DLGAP2: variants seen among roughly 807,000 people sequenced by gnomAD.
DLGAP2 encodes the protein DLG associated protein 2, also known as disks large-associated protein 2.
Under a neutral mutation model 100.3 loss-of-function variants are expected in DLGAP2, and 26 were observed. The observed-to-expected ratio is 0.26, with a 90% CI of 0.19 to 0.36. DLGAP2 has a LOEUF of 0.36. Ranked by LOEUF, DLGAP2 falls within the 10% of genes least tolerant of loss-of-function variation. The pLI, the probability that DLGAP2 is intolerant of heterozygous loss-of-function variation, is 1.00. For synonymous variants in DLGAP2, 886 were observed against 630.1 expected, an observed-to-expected ratio of 1.41 and a Z score of -6.08; for missense variants, 1,858 against 1,453.2, an observed-to-expected ratio of 1.28 and a Z score of -4.53.
intron 2 of DLGAP2, among the ~76,000 whole-genome samples, chr8:1,180,336 C>G (rs1797353249): frequency 6.6e-6 from 1 of 152,226 alleles, no homozygotes; most frequent in Admixed American, 6.5e-5. Flanking sequence ...CAGTTACACC[C>G]TGGCCACCAG....
rs1291950041 is a variant in DLGAP2, at chr8:1,549,594, G to A, written c.1141G>A (p.Glu381Lys). The A allele has an allele frequency of 1.7e-5, 28 of 1,609,064 alleles. No individual in the cohort carries two copies. Among genetic ancestry groups the A allele is most frequent in the Non-Finnish European group, 2.4e-5 (28 of 1,178,638 alleles). The change falls in exon 5 of 15, where the codon GAG becomes AAG. Residue 381 changes from glutamate (E) to lysine (K), a missense_variant. Coordinates refer to ENST00000637795, the MANE Select transcript of DLGAP2 (RefSeq NM_001346810.2). ...TACGCTGACGGTCAGCCAGGCCAAG[G>A]AGGCCTACCGCAAGAGCTCGCTGAA... ...WSTLTVSQAK[E>K]AYRKSSLNLD...
intron 6 of DLGAP2, among the ~76,000 whole-genome samples, chr8:1,586,553 A>G (rs552052381): frequency 6.6e-6 from 1 of 152,286 alleles, no homozygotes; most frequent in East Asian, 1.9e-4. Context: ...TCTGCTGGTT[A>G]GCAACCTCGA....
Position 778,784 on chromosome 8 carries a change from C to G in DLGAP2, c.18+40959C>G, listed in dbSNP as rs186836326. ...ACATTTAAGTCTGCAGAGGTTACTG[C>G]TGTCTTTTTGTTTGTTTGTGCCCTG... On this transcript the variant is annotated intron_variant, in intron 1 of 14. Transcript: ENST00000637795. Among the ~76,000 whole-genome samples, 927 of 152,354 alleles carry G rather than the reference C, an allele frequency of 6.1e-3. 9 individuals carry two copies. The highest frequency in any genetic ancestry group is 0.021 in the African/African-American group (875 of 41,578).
chr8:1,530,157 G>C (rs1265760325), intron 4 of DLGAP2, among the ~76,000 whole-genome samples: 1 of 152,104 alleles, frequency 6.6e-6, no homozygotes, highest in Non-Finnish European at 1.5e-5. Context: ...TTCCTAATAA[G>C]CCTGGGAGCA....
intron 2 of DLGAP2, among the ~76,000 whole-genome samples, chr8:1,013,661 C>CGGT (rs1289982352): frequency 5.7e-4 from 67 of 116,960 alleles, no homozygotes; most frequent in African/African-American, 2.1e-3. Flanking sequence ...CCAGGACAGA[C>CGGT]GCCTCCACTG....
chr8:1,017,809 G>T (rs939183798), intron 2 of DLGAP2, among the ~76,000 whole-genome samples: 1 of 152,200 alleles, frequency 6.6e-6, no homozygotes, highest in African/African-American at 2.4e-5. Context: ...TCCTCTCCAC[G>T]CTACTGGGTT....
chr8:1,005,354 G>A (rs144271917), intron 2 of DLGAP2, among the ~76,000 whole-genome samples: 44 of 151,526 alleles, frequency 2.9e-4, no homozygotes, highest in African/African-American at 9.7e-4. Context: ...AAGGCAGCCC[G>A]TCAAATAGTT....
At chr8:1,221,914 C>T (rs764072436) in intron 2 of DLGAP2, among the ~76,000 whole-genome samples, 4 of 152,094 alleles carry the variant, frequency 2.6e-5, no homozygotes, top group East Asian at 1.9e-4. Context: ...AATTGCATTC[C>T]GAAATTCCTG....
At chr8:1,491,109 C>G (rs1210392150) in intron 3 of DLGAP2, among the ~76,000 whole-genome samples, 1 of 71,402 alleles carries the variant, frequency 1.4e-5, no homozygotes, top group East Asian at 4.2e-4. Flanking sequence ...AATAAAATCA[C>G]TTTTCATGAA....
intron 2 of DLGAP2, among the ~76,000 whole-genome samples, chr8:1,065,223 C>A (rs1386081959): frequency 1.3e-5 from 2 of 152,262 alleles, no homozygotes; most frequent in East Asian, 1.9e-4. Flanking sequence ...TCAGTAAGGT[C>A]TTTTTAAAGA....
At position 1,583,265 on chromosome 8, in the gene DLGAP2, G is replaced by A. The variant is rs144968766; in HGVS notation, c.1442+17371G>A. Among the ~76,000 whole-genome samples the A allele has an allele frequency of 2.4e-3, 368 of 152,302 alleles. 2 individuals are homozygous for A. Among genetic ancestry groups the A allele is most frequent in the African/African-American group, 8.4e-3 (349 of 41,540 alleles). ...CTCCCATCTGCCATGGGTTGGGTGA[G>A]GTGATCAAGTGAGTAACCAAGAGAA... On this transcript the variant is annotated intron_variant, in intron 6 of 14. Transcript: ENST00000637795.
At chr8:1,640,522 A>G (rs971180451) in intron 8 of DLGAP2, among the ~76,000 whole-genome samples, 1 of 152,308 alleles carries the variant, frequency 6.6e-6, no homozygotes, top group South Asian at 2.1e-4. Context: ...TCTGATTGTC[A>G]TGATCCCCAT....
chr8:1,331,545 G>A (rs927663180), intron 3 of DLGAP2, among the ~76,000 whole-genome samples: 3 of 152,126 alleles, frequency 2.0e-5, no homozygotes, highest in African/African-American at 4.8e-5. Context: ...AACTCTTTGC[G>A]TTTAGAGTCT....
intron 10 of DLGAP2, among the ~76,000 whole-genome samples, 165 bp downstream of exon 10, chr8:1,669,949 C>T (rs901301091): frequency 6.6e-6 from 1 of 152,194 alleles, no homozygotes; most frequent in Non-Finnish European, 1.5e-5. Context: ...ACAAGGGGCT[C>T]ACCAGGGTCC....
intron 1 of DLGAP2, among the ~76,000 whole-genome samples, chr8:860,669 AT>A (rs1797371785): frequency 6.6e-6 from 1 of 152,204 alleles, no homozygotes; most frequent in African/African-American, 2.4e-5. Flanking sequence ...TTGGCAAAAA[AT>A]GTAAAGATGA....
At chr8:1,185,955 C>T (rs1797494837) in intron 2 of DLGAP2, among the ~76,000 whole-genome samples, 1 of 152,148 alleles carries the variant, frequency 6.6e-6, no homozygotes, top group South Asian at 2.1e-4. Context: ...GATCTCGGGG[C>T]CTCCTGTCAC....
At chr8:1,699,884 A>C (rs376585586) in intron 14 of DLGAP2, among the ~76,000 whole-genome samples, 5 of 152,206 alleles carry the variant, frequency 3.3e-5, no homozygotes, top group African/African-American at 9.7e-5. Flanking sequence ...ACAGGCTCAC[A>C]GTTCAGGGGA....
chr8:1,224,945 A>T lies in DLGAP2; in HGVS notation c.74-33906A>T, dbSNP rs141908655. Among the ~76,000 whole-genome samples, 1,372 of 152,350 alleles carry T rather than the reference A, an allele frequency of 9.0e-3. 6 individuals are homozygous for T. The highest frequency in any genetic ancestry group is 0.02 in the Middle Eastern group (6 of 294). On this transcript the variant is annotated intron_variant, in intron 2 of 14. Coordinates refer to ENST00000637795, the MANE Select transcript of DLGAP2 (RefSeq NM_001346810.2). ...AAAATTAATCGGAAGCAAAGTGACAAGAGTTAGCAAGGATATGGACAAACT... is the reference window on the plus strand; with the variant it reads ...AAAATTAATCGGAAGCAAAGTGACATGAGTTAGCAAGGATATGGACAAACT...
intron 2 of DLGAP2, among the ~76,000 whole-genome samples, chr8:1,120,555 G>A (rs1319480787): frequency 6.6e-6 from 1 of 151,654 alleles, no homozygotes; most frequent in East Asian, 1.9e-4. Context: ...CCTCAGAACC[G>A]ATGACCACCC....
Sources: gnomAD v4.1 joint callset for allele counts (sites outside exome capture counted in the v4.1 genomes callset) on GRCh38, gnomAD v4.1.1 for gene constraint, MANE v1.5 for transcripts, NCBI Gene and HGNC (gene_info 2026-07-23, HGNC 2026-07-21) for gene names.